Variants in TDRD7 observed in about 807,000 individuals in gnomAD.
TDRD7 encodes tudor domain containing 7.
In TDRD7, 47 loss-of-function variants were observed where a neutral mutation model predicts 109.8. The ratio of observed to expected loss-of-function variants is 0.43; its 90% CI spans 0.34 to 0.55. The LOEUF (loss-of-function observed/expected upper bound fraction) is 0.55. TDRD7 is among the 20% of genes least tolerant of loss of function. The pLI, the probability that TDRD7 is intolerant of heterozygous loss-of-function variation, is 0.03. For synonymous variants in TDRD7, 424 were observed against 457.3 expected (o/e 0.93, Z 0.93); for missense variants, 1,164 against 1,319.2 (o/e 0.88, Z 1.82).
At chr9:97,437,238 C>T (rs12003293) in intron 4 of TDRD7, among the ~76,000 whole-genome samples, 9,388 of 152,240 alleles carry the variant, frequency 0.062, 511 homozygotes, top group African/African-American at 0.15. Context: ...CATGAGGCTG[C>T]TGTCAAGGTG....
intron 1 of TDRD7, among the ~76,000 whole-genome samples, chr9:97,418,170 A>G (rs1372388581): frequency 6.6e-6 from 1 of 152,200 alleles, no homozygotes; most frequent in Non-Finnish European, 1.5e-5. Context: ...TGTGTGTGGC[A>G]TAAGCTTTTC....
intron 1 of TDRD7, among the ~76,000 whole-genome samples, chr9:97,416,531 A>G (rs1389793908): frequency 6.6e-6 from 1 of 152,216 alleles, no homozygotes; most frequent in South Asian, 2.1e-4. Flanking sequence ...GCTGCTTGTC[A>G]GGATGTGTGG....
intron 16 of TDRD7, among the ~76,000 whole-genome samples, chr9:97,495,005 C>A (rs190462426): frequency 6.6e-6 from 1 of 152,278 alleles, no homozygotes; most frequent in Non-Finnish European, 1.5e-5. Context: ...GCCACTGTGC[C>A]CGGCCAATGT....
chr9:97,474,047 T>C (rs1283471625), intron 11 of TDRD7, among the ~76,000 whole-genome samples: 2 of 152,206 alleles, frequency 1.3e-5, no homozygotes, highest in African/African-American at 4.8e-5. Context: ...ACTTTCCTCC[T>C]TAGTTCTGCC....
chr9:97,482,616 T>A (rs1406958008), intron 14 of TDRD7, among the ~76,000 whole-genome samples: 1 of 152,216 alleles, frequency 6.6e-6, no homozygotes, highest in African/African-American at 2.4e-5. Flanking sequence ...TCTCAGACTT[T>A]TTAAAGATTA....
In TDRD7 at chr9:97,487,044, T is replaced by C. The variant is rs138531416; in HGVS notation, c.2916-128T>C. 1.5e-4 allele frequency: 161 copies of C among 1,087,846 alleles called. No individual in the cohort carries two copies. In the African/African-American group the frequency reaches 2.2e-3, roughly 15 times the overall value. The allele number at this position is 1,087,846 out of a possible 1,614,324, so 67.4% of individuals were successfully genotyped here. Reference sequence around the variant, plus strand: ...AATGCTTTTAAAACTTTTTTGAAAATATAGTTTTAAATTTTGATAAACATA... The same window carrying C: ...AATGCTTTTAAAACTTTTTTGAAAACATAGTTTTAAATTTTGATAAACATA... On this transcript the variant is annotated intron_variant, in intron 15 of 16. Coordinates refer to ENST00000355295, the MANE Select transcript of TDRD7 (RefSeq NM_014290.3).
chr9:97,438,277 C>A (rs988771906), intron 4 of TDRD7, among the ~76,000 whole-genome samples: 9 of 152,188 alleles, frequency 5.9e-5, no homozygotes, highest in African/African-American at 2.2e-4. Flanking sequence ...AGAACCTAAT[C>A]ATTTCTTTTA....
intron 13 of TDRD7, chr9:97,480,368 G>A: frequency 4.8e-6 from 1 of 206,570 alleles, no homozygotes; most frequent in Non-Finnish European, 9.9e-6. Flanking sequence ...GTACCCACGA[G>A]GTACTCAGGA....
intron 7 of TDRD7, among the ~76,000 whole-genome samples, chr9:97,461,093 A>T (rs968645864): frequency 6.6e-5 from 10 of 151,804 alleles, no homozygotes; most frequent in African/African-American, 2.2e-4. Flanking sequence ...GTGAGCCAAG[A>T]TTGTGCCACT....
intron 6 of TDRD7, among the ~76,000 whole-genome samples, chr9:97,447,302 A>C (rs1029188442): frequency 4.6e-5 from 7 of 152,212 alleles, no homozygotes; most frequent in African/African-American, 1.7e-4. Flanking sequence ...CATACAGACC[A>C]TCCTCTCAGT....
At chr9:97,467,888 G>A (rs993020348) in intron 8 of TDRD7, among the ~76,000 whole-genome samples, 7 of 152,178 alleles carry the variant, frequency 4.6e-5, no homozygotes, top group Non-Finnish European at 1.0e-4. Context: ...TATATTTGGA[G>A]GTAGAACTGA....
rs1828310050 is a variant in TDRD7 at position 97,441,758 on chromosome 9, C to T, written c.738C>T (p.Asn246=). ...AAAATCGCATAAAGGAAATACTAAA[C>T]AAGCATAACAATGGCATTTGGATAT... ...EVQNRIKEIL[N]KHNNGIWISK... is the part of the protein sequence containing the mutation. Residue 246 remains asparagine, a synonymous_variant, in exon 6 of 17, where the codon AAC becomes AAT. Transcript: ENST00000355295. 1 of 1,613,716 alleles carries T rather than the reference C, an allele frequency of 6.2e-7. No homozygotes were observed. The highest frequency in any genetic ancestry group is 8.5e-7 in the Non-Finnish European group (1 of 1,179,802).
chr9:97,479,570 C>A (rs1156499124), intron 13 of TDRD7, among the ~76,000 whole-genome samples: 1 of 151,794 alleles, frequency 6.6e-6, no homozygotes, highest in Non-Finnish European at 1.5e-5. Flanking sequence ...TTTTCATAAT[C>A]TTGTGTAGGT....
intron 16 of TDRD7, among the ~76,000 whole-genome samples, chr9:97,489,105 G>C (rs1012569820): frequency 6.6e-6 from 1 of 152,164 alleles, no homozygotes; most frequent in African/African-American, 2.4e-5. Context: ...TGAGAAGAAT[G>C]TATAATCTGC....
rs371284402 is a variant in TDRD7, at chr9:97,464,965, A to G, written c.1566A>G (p.Val522=). The change falls in exon 8 of 17, where the codon GTA becomes GTG. Residue 522 remains valine (V), a synonymous_variant. Coordinates refer to ENST00000355295, the MANE Select transcript of TDRD7 (RefSeq NM_014290.3). ...TGAATGTTGGGCAGTTGCTGGCCGT[A>G]AATGCCGAGGAGGACGCCTGGTTAC... The part of the protein sequence containing the change: ...QAVNVGQLLA[V]NAEEDAWLRA... 2 of 1,614,170 alleles carry G rather than the reference A, an allele frequency of 1.2e-6. No individual in the cohort carries two copies. The highest frequency in any genetic ancestry group is 1.7e-6 in the Non-Finnish European group (2 of 1,180,020).
intron 9 of TDRD7, among the ~76,000 whole-genome samples, chr9:97,471,031 A>G (rs1828901528): frequency 6.6e-6 from 1 of 152,046 alleles, no homozygotes; most frequent in Non-Finnish European, 1.5e-5. Flanking sequence ...CCCCTTTCCC[A>G]CTGAGATGTA....
At chr9:97,426,710 G>A (rs1166505622) in intron 1 of TDRD7, among the ~76,000 whole-genome samples, 3 of 152,162 alleles carry the variant, frequency 2.0e-5, no homozygotes, top group South Asian at 2.1e-4. Flanking sequence ...TATGCAGTCC[G>A]TTGTTGACTA....
intron 6 of TDRD7, among the ~76,000 whole-genome samples, chr9:97,449,340 A>G (rs966030658): frequency 6.6e-6 from 1 of 152,142 alleles, no homozygotes; most frequent in Non-Finnish European, 1.5e-5. Context: ...TGAAGGCTCA[A>G]TCCCCAAAAT....
intron 8 of TDRD7, among the ~76,000 whole-genome samples, chr9:97,469,029 T>G (rs1370025905): frequency 6.6e-6 from 1 of 152,234 alleles, no homozygotes; most frequent in Non-Finnish European, 1.5e-5. Flanking sequence ...AAACACTTTC[T>G]TTTGAGGCTT....
Sources: gnomAD v4.1 joint callset for allele counts (sites outside exome capture counted in the v4.1 genomes callset) on GRCh38, gnomAD v4.1.1 for gene constraint, MANE v1.5 for transcripts, NCBI Gene and HGNC (gene_info 2026-07-23, HGNC 2026-07-21) for gene names.